Variants in POLR3B observed in about 807,000 individuals in gnomAD.
POLR3B encodes the protein RNA polymerase III subunit B.
In POLR3B, 96 loss-of-function variants were observed where a neutral mutation model predicts 147.4. The observed-to-expected ratio is 0.65, with a 90% confidence interval of 0.55 to 0.77. POLR3B has a LOEUF of 0.77. Among genes scored for constraint, POLR3B ranks in the 30% least tolerant of loss-of-function variants. The pLI is 0.00. For missense variants in POLR3B, 1,036 were observed against 1,413.5 expected (o/e 0.73, Z 4.28); for synonymous variants, 461 against 485.9 (o/e 0.95, Z 0.67).
At chr12:106,446,478 G>A (rs778699272) in intron 19 of POLR3B, among the ~76,000 whole-genome samples, 13 of 150,042 alleles carry the variant, frequency 8.7e-5, no homozygotes, top group Non-Finnish European at 1.3e-4. Flanking sequence ...TATCTGAAAC[G>A]TTTGGTTAGT....
At chr12:106,383,190 A>G (rs759482233) in intron 9 of POLR3B, among the ~76,000 whole-genome samples, 6 of 152,196 alleles carry the variant, frequency 3.9e-5, no homozygotes, top group Non-Finnish European at 5.9e-5. Flanking sequence ...ACTCTGGATT[A>G]TGCTTTGACT....
chr12:106,486,871 G>C (rs150273170), intron 23 of POLR3B, among the ~76,000 whole-genome samples: 1 of 152,192 alleles, frequency 6.6e-6, no homozygotes, highest in Admixed American at 6.5e-5. Flanking sequence ...AGATGTAAAA[G>C]GAAGTAAATT....
At chr12:106,422,684 G>T (rs1267918763) in intron 12 of POLR3B, among the ~76,000 whole-genome samples, 1 of 152,086 alleles carries the variant, frequency 6.6e-6, no homozygotes, top group Non-Finnish European at 1.5e-5. Context: ...AAGTTTTATT[G>T]TATGTGCAGA....
chr12:106,496,315 C>G (rs545446417), intron 24 of POLR3B, 157 bp downstream of exon 24: 1 of 704,364 alleles, frequency 1.4e-6, no homozygotes, highest in South Asian at 1.5e-5. Context: ...CAGCCCCTAA[C>G]GATTCTGGGC....
At chr12:106,480,422 G>C (rs899815051) in intron 23 of POLR3B, among the ~76,000 whole-genome samples, 2 of 152,198 alleles carry the variant, frequency 1.3e-5, no homozygotes, top group Non-Finnish European at 2.9e-5. Flanking sequence ...CTGCCTGAAG[G>C]TTGGAGCTGG....
At chr12:106,433,308 G>GATT (rs1263321799) in intron 15 of POLR3B, among the ~76,000 whole-genome samples, 2 of 152,176 alleles carry the variant, frequency 1.3e-5, no homozygotes, top group African/African-American at 4.8e-5. Context: ...CACAAATGTT[G>GATT]ATTACAACAA....
intron 23 of POLR3B, among the ~76,000 whole-genome samples, chr12:106,481,498 C>T (rs181660648): frequency 6.6e-5 from 10 of 152,314 alleles, no homozygotes; most frequent in Admixed American, 3.9e-4. Context: ...TCCCAGGAAT[C>T]GGGTGGGTGA....
chr12:106,439,684 A>G (rs1200141737), intron 18 of POLR3B, among the ~76,000 whole-genome samples: 1 of 152,064 alleles, frequency 6.6e-6, no homozygotes, highest in African/African-American at 2.4e-5. Flanking sequence ...TGCACTTTGT[A>G]AATAGTGGTT....
intron 10 of POLR3B, among the ~76,000 whole-genome samples, chr12:106,393,767 T>TAC (rs34402190): frequency 0.14 from 17,306 of 127,832 alleles, 1,050 homozygotes; most frequent in Middle Eastern, 0.23. Flanking sequence ...GACTGAGAAA[T>TAC]ACACACACAC....
chr12:106,365,234 G>A (rs995088548), intron 2 of POLR3B, among the ~76,000 whole-genome samples: 3 of 152,258 alleles, frequency 2.0e-5, no homozygotes, highest in African/African-American at 7.2e-5. Context: ...GCTGGGAAAC[G>A]AGGCTGGGAG....
intron 6 of POLR3B, among the ~76,000 whole-genome samples, chr12:106,375,400 A>G (rs1030455739): frequency 1.3e-5 from 2 of 152,166 alleles, no homozygotes; most frequent in African/African-American, 2.4e-5. Context: ...ATCTCTTTGA[A>G]TAGGACTTCT....
chr12:106,408,405 A>G (rs2037178090), intron 11 of POLR3B, among the ~76,000 whole-genome samples: 1 of 152,200 alleles, frequency 6.6e-6, no homozygotes, highest in Non-Finnish European at 1.5e-5. Context: ...TCCCTGGACT[A>G]GTAGCATCTG....
At chr12:106,429,092 G>T (rs895018803) in intron 13 of POLR3B, among the ~76,000 whole-genome samples, 6 of 152,190 alleles carry the variant, frequency 3.9e-5, no homozygotes, top group African/African-American at 1.4e-4. Context: ...CTCTGAGGAG[G>T]AATGAAGAAC....
In POLR3B at chr12:106,378,133, T is replaced by C. The variant is rs151328781; in HGVS notation, c.497-134T>C. 3.4e-4 allele frequency: 239 copies of C among 702,104 alleles called. 3 individuals are homozygous for C. In the African/African-American group the frequency reaches 3.9e-3, roughly 11 times the overall value. 43.5% of individuals were successfully genotyped at this position (702,104 alleles called of 1,614,324 possible). A position where few individuals can be genotyped will look rare whatever the true frequency, so the allele number is the denominator to read the frequency against. Reference sequence around the variant, plus strand: ...ATAAAAAATAAAATCAGCAACCCCTTTGAATCAAGTGTTAGCCAGTGCCAT... The same window carrying C: ...ATAAAAAATAAAATCAGCAACCCCTCTGAATCAAGTGTTAGCCAGTGCCAT... On this transcript the variant is annotated intron_variant, in intron 7 of 27. Transcript: ENST00000228347.
intron 9 of POLR3B, among the ~76,000 whole-genome samples, chr12:106,390,425 C>T (rs777163314): frequency 7.9e-5 from 12 of 151,832 alleles, no homozygotes; most frequent in East Asian, 1.9e-4. Flanking sequence ...GATGATTTTA[C>T]ATATGTGCCA....
intron 10 of POLR3B, among the ~76,000 whole-genome samples, chr12:106,405,165 A>C (rs1268234398): frequency 6.6e-6 from 1 of 152,096 alleles, no homozygotes; most frequent in Admixed American, 6.6e-5. Context: ...TAATACTCCA[A>C]CTTTTTTCTT....
intron 4 of POLR3B, 23 bp downstream of exon 4, chr12:106,366,745 T>G: frequency 6.5e-7 from 1 of 1,547,950 alleles, no homozygotes; most frequent in Non-Finnish European, 8.9e-7. Flanking sequence ...CATTCTTAAT[T>G]TGCTATGTGG....
intron 12 of POLR3B, among the ~76,000 whole-genome samples, chr12:106,417,498 T>C (rs2037320020): frequency 6.6e-6 from 1 of 152,102 alleles, no homozygotes; most frequent in South Asian, 2.1e-4. Flanking sequence ...AAAGATCTGA[T>C]GTGGAGATGA....
chr12:106,440,024 A>G (rs2037628050), intron 18 of POLR3B, among the ~76,000 whole-genome samples: 1 of 152,226 alleles, frequency 6.6e-6, no homozygotes, highest in Admixed American at 6.5e-5. Flanking sequence ...ACACCACTGC[A>G]TTCCAGCTTG....
Sources: gnomAD v4.1 joint callset for allele counts (sites outside exome capture counted in the v4.1 genomes callset) on GRCh38, gnomAD v4.1.1 for gene constraint, MANE v1.5 for transcripts, NCBI Gene and HGNC (gene_info 2026-07-23, HGNC 2026-07-21) for gene names.